The following TCF4 variants were observed in gnomAD, a reference collection of about 807,000 sequenced individuals.
The protein encoded by TCF4 is transcription factor 4.
In TCF4, 3 loss-of-function variants were observed where a neutral mutation model predicts 82.1. The observed-to-expected ratio is 0.04, with a 90% CI of 0.02 to 0.09. The LOEUF is 0.09. Among genes scored for constraint, TCF4 ranks in the 10% least tolerant of loss-of-function variants. TCF4 has a pLI of 1.00. For missense variants in TCF4, 518 were observed against 852.7 expected (o/e 0.61, Z 4.89); for synonymous variants, 276 against 309.6 (o/e 0.89, Z 1.14).
chr18:55,422,207 C>A, intron 5 of TCF4: 1 of 983,396 alleles, frequency 1.0e-6, no homozygotes, highest in Non-Finnish European at 1.2e-6. Context: ...GGGTAGCACG[C>A]CGAGGGAGGC....
In TCF4 at chr18:55,503,119, T is replaced by C. The variant is rs893271948; in HGVS notation, c.146-38982A>G. ...ATTAGTATAACTTTGAGAATCCTCA[T>C]GCAAGGTTATTTTAACAGGATACAC... On this transcript the variant is annotated intron_variant, in intron 3 of 19. Coordinates refer to ENST00000354452, the MANE Select transcript of TCF4 (RefSeq NM_001083962.2). 1.4e-4 allele frequency among the ~76,000 whole-genome samples: 22 copies of C among 152,340 alleles called. 1 individual carries two copies. In the South Asian group the frequency reaches 2.3e-3, roughly 16 times the overall value.
intron 3 of TCF4, among the ~76,000 whole-genome samples, chr18:55,545,746 G>A (rs571515446): frequency 7.2e-5 from 11 of 152,090 alleles, no homozygotes; most frequent in African/African-American, 2.7e-4. Context: ...CACCACGCCC[G>A]GCGCCATTCA....
chr18:55,581,238 AAAGGAT>A (rs1350618517), intron 3 of TCF4, among the ~76,000 whole-genome samples: 1 of 152,074 alleles, frequency 6.6e-6, no homozygotes, highest in African/African-American at 2.4e-5. Context: ...TATTTCCAAT[AAAGGAT>A]TTGCAGGGCC....
At chr18:55,363,622 G>A (rs575670977) in intron 6 of TCF4, among the ~76,000 whole-genome samples, 3 of 152,128 alleles carry the variant, frequency 2.0e-5, no homozygotes, top group East Asian at 1.9e-4. Context: ...TGGCCAACAC[G>A]GCGAAACCCC....
chr18:55,550,875 A>G (rs996527489), intron 3 of TCF4: 11 of 152,264 alleles, frequency 7.2e-5, no homozygotes, highest in Admixed American at 2.6e-4. Context: ...CATGGTTCTG[A>G]AAGAAATGTC....
chr18:55,610,124 T>C (rs565061849), intron 2 of TCF4, among the ~76,000 whole-genome samples: 1 of 152,288 alleles, frequency 6.6e-6, no homozygotes, highest in South Asian at 2.1e-4. Context: ...AGTGAATGAA[T>C]AGAACTTGGA....
At chr18:55,510,900 G>T in intron 3 of TCF4, 1 of 474,380 alleles carries the variant, frequency 2.1e-6, no homozygotes, top group Non-Finnish European at 2.9e-6. Flanking sequence ...AATAAAATAT[G>T]AATCAACAAG....
At chr18:55,599,550 G>A (rs927108318) in intron 2 of TCF4, among the ~76,000 whole-genome samples, 2 of 152,066 alleles carry the variant, frequency 1.3e-5, no homozygotes, top group Non-Finnish European at 2.9e-5. Flanking sequence ...GTGAAACCCC[G>A]TCTCTACTAA....
At chr18:55,256,003 C>G (rs1390294268) in intron 14 of TCF4, among the ~76,000 whole-genome samples, 1 of 152,182 alleles carries the variant, frequency 6.6e-6, no homozygotes, top group Admixed American at 6.6e-5. Context: ...ACTACCTCCC[C>G]TAGACTGCTA....
chr18:55,555,794 TA>T (rs1430757527), intron 3 of TCF4, among the ~76,000 whole-genome samples: 1 of 152,086 alleles, frequency 6.6e-6, no homozygotes, highest in Non-Finnish European at 1.5e-5. Context: ...AATAGCTGTC[TA>T]AATCCATTAT....
intron 5 of TCF4, chr18:55,404,006 T>C: frequency 8.3e-7 from 1 of 1,208,214 alleles, no homozygotes; most frequent in East Asian, 3.8e-5. Context: ...TCTCTCTCTC[T>C]CTCTTTTTTA....
intron 8 of TCF4, among the ~76,000 whole-genome samples, chr18:55,281,573 C>G (rs1238091896): frequency 1.3e-5 from 2 of 152,074 alleles, no homozygotes; most frequent in Non-Finnish European, 2.9e-5. Flanking sequence ...ATTAAATCAT[C>G]TTATGTTTTA....
At chr18:55,454,252 C>A (rs2095688276) in intron 5 of TCF4, among the ~76,000 whole-genome samples, 1 of 152,108 alleles carries the variant, frequency 6.6e-6, no homozygotes, top group African/African-American at 2.4e-5. Flanking sequence ...TGTAATATGG[C>A]CCGTTTCCTA....
At chr18:55,434,746 AT>A (rs1222917847) in intron 5 of TCF4, among the ~76,000 whole-genome samples, 1 of 124,032 alleles carries the variant, frequency 8.1e-6, no homozygotes, top group Non-Finnish European at 1.7e-5. Flanking sequence ...GGACATTCTG[AT>A]CACCTCTCAA....
chr18:55,347,203 C>A (rs1029286018), intron 8 of TCF4, among the ~76,000 whole-genome samples: 1 of 152,082 alleles, frequency 6.6e-6, no homozygotes, highest in Non-Finnish European at 1.5e-5. Flanking sequence ...TCGCAAAAAA[C>A]GAGGGCTACG....
intron 3 of TCF4, among the ~76,000 whole-genome samples, chr18:55,523,326 T>C (rs974347820): frequency 1.3e-5 from 2 of 151,962 alleles, no homozygotes; most frequent in African/African-American, 4.8e-5. Context: ...ATAACAAATG[T>C]TTAATGAATT....
intron 2 of TCF4, among the ~76,000 whole-genome samples, chr18:55,621,238 TA>T (rs2097717687): frequency 6.6e-6 from 1 of 150,988 alleles, no homozygotes; most frequent in Non-Finnish European, 1.5e-5. Flanking sequence ...ATAGGGTTCA[TA>T]GTGAGGAATA....
chr18:55,621,632 TATATTATATAATATAC>T (rs1400645801), intron 2 of TCF4, among the ~76,000 whole-genome samples: 2,174 of 81,114 alleles, frequency 0.027, 57 homozygotes, highest in Non-Finnish European at 0.035. Context: ...ATATAATATA[TATATTATATAATATAC>T]ATTATATAAT....
At position 55,477,287 on chromosome 18, in the gene TCF4, A is replaced by C. The variant is rs1256040063; in HGVS notation, c.146-13150T>G. ...AAATCATTTTTCAAAAGAGGAAAAA[A>C]CAAAAATCACAAGAAAATTGGTAGA... On this transcript the variant is annotated intron_variant, in intron 3 of 19. Transcript: ENST00000354452. Among the ~76,000 whole-genome samples, 3 of 152,232 alleles carry C rather than the reference A, an allele frequency of 2.0e-5. No homozygotes were observed. The East Asian group carries it at 5.8e-4, about 29-fold the overall frequency.
Sources: gnomAD v4.1 joint callset for allele counts (sites outside exome capture counted in the v4.1 genomes callset) on GRCh38, gnomAD v4.1.1 for gene constraint, MANE v1.5 for transcripts, NCBI Gene and HGNC (gene_info 2026-07-23, HGNC 2026-07-21) for gene names.